Variants in TCERG1L observed in about 807,000 individuals in gnomAD.
The protein encoded by TCERG1L is transcription elongation regulator 1-like protein.
TCERG1L carries 37 observed loss-of-function variants against 56.3 expected under a neutral mutation model. The ratio of observed to expected loss-of-function variants is 0.66; its 90% CI spans 0.51 to 0.87. The LOEUF (loss-of-function observed/expected upper bound fraction) is 0.87, where lower values mean the gene tolerates loss of function less well. TCERG1L is among the 40% of genes least tolerant of loss of function. TCERG1L has a pLI of 0.00. For missense variants in TCERG1L, 799 were observed against 774.2 expected, an observed-to-expected ratio of 1.03 and a Z score of -0.38; for synonymous variants, 324 against 326.3, an observed-to-expected ratio of 0.99 and a Z score of 0.08.
intron 4 of TCERG1L, among the ~76,000 whole-genome samples, chr10:131,256,992 G>GGAAGGAAAGAAAAGAAAGAAAGAAA (rs1846173015): frequency 7.4e-4 from 44 of 59,212 alleles, no homozygotes; most frequent in African/African-American, 2.4e-3. Context: ...AAGGAAGGAA[G>GGAAGGAAAGAAAAGAAAGAAAGAAA]GAAAGAAAGA....
At chr10:131,113,830 G>A (rs578248036) in intron 9 of TCERG1L, among the ~76,000 whole-genome samples, 1 of 142,198 alleles carries the variant, frequency 7.0e-6, no homozygotes, top group African/African-American at 2.5e-5. Context: ...ACCTGCTTGT[G>A]AGAGATACTT....
intron 3 of TCERG1L, among the ~76,000 whole-genome samples, chr10:131,271,565 A>G (rs2944510): frequency 0.84 from 128,060 of 152,272 alleles, 54,768 homozygotes; most frequent in East Asian, 0.92. Flanking sequence ...GGGCTCTGGG[A>G]CCTGAGGCTT....
At chr10:131,206,183 C>T (rs576124736) in intron 4 of TCERG1L, among the ~76,000 whole-genome samples, 18 of 152,352 alleles carry the variant, frequency 1.2e-4, no homozygotes, top group African/African-American at 4.3e-4. Context: ...AACTGCCAAT[C>T]GGGTGTACGC....
Position 131,221,835 on chromosome 10 carries a change from G to A in TCERG1L, c.856+38424C>T, listed in dbSNP as rs189356631. 2.2e-3 allele frequency among the ~76,000 whole-genome samples: 341 copies of A among 152,284 alleles called. 2 individuals are homozygous for A. The highest frequency in any genetic ancestry group is 7.9e-3 in the African/African-American group (328 of 41,550). On this transcript the variant is annotated intron_variant, in intron 4 of 11. Coordinates refer to ENST00000368642, the MANE Select transcript of TCERG1L (RefSeq NM_174937.4). ...GCGTCTTTCTGCAGACCACTGTCCC[G>A]CCGCTGCCTCCACGTTGGGAGTACC...
intron 4 of TCERG1L, among the ~76,000 whole-genome samples, chr10:131,204,867 T>G (rs115228342): frequency 1.3e-3 from 198 of 152,308 alleles, no homozygotes; most frequent in African/African-American, 4.5e-3. Context: ...GGATCCTTGA[T>G]GGAGGTTCAC....
intron 3 of TCERG1L, among the ~76,000 whole-genome samples, chr10:131,289,533 C>CAAT (rs1380675759): frequency 2.5e-4 from 13 of 52,020 alleles, no homozygotes; most frequent in Non-Finnish European, 3.6e-4. Flanking sequence ...CATCTCCTAT[C>CAAT]GGTGTGTATG....
At chr10:131,264,891 G>A (rs1170107023) in intron 3 of TCERG1L, among the ~76,000 whole-genome samples, 1 of 152,170 alleles carries the variant, frequency 6.6e-6, no homozygotes, top group Admixed American at 6.5e-5. Context: ...CCCTGACAGC[G>A]TGAGGGTCCC....
chr10:131,301,006 T>C (rs749852538), intron 3 of TCERG1L, among the ~76,000 whole-genome samples: 24 of 152,070 alleles, frequency 1.6e-4, no homozygotes, highest in Admixed American at 3.3e-4. Flanking sequence ...TTCTGGCATG[T>C]ATGAAAATCT....
At chr10:131,107,069 T>C (rs1432417886) in intron 9 of TCERG1L, among the ~76,000 whole-genome samples, 1 of 141,166 alleles carries the variant, frequency 7.1e-6, no homozygotes, top group Non-Finnish European at 1.5e-5. Flanking sequence ...TTGCTGGGAC[T>C]CAGGGCGAGG....
rs866440939 is a variant in TCERG1L, at chr10:131,118,888, T to A, written c.1260-1954A>T. Among the ~76,000 whole-genome samples the A allele has an allele frequency of 1.3e-5, 2 of 152,156 alleles. No homozygotes were observed. Among genetic ancestry groups the A allele is most frequent in the African/African-American group, 4.8e-5 (2 of 41,422 alleles). On this transcript the variant is annotated intron_variant, in intron 8 of 11. Coordinates refer to ENST00000368642, the MANE Select transcript of TCERG1L (RefSeq NM_174937.4). The surrounding 1 kb of genome is among the most constrained non-coding windows in gnomAD (Gnocchi z 4.2). ...GACATTTGGTAAGGTCTGGAAACAT[T>A]TGTGGCTGCCACAACTGGGGAGATG...
chr10:131,163,688 C>T (rs1554889216), intron 5 of TCERG1L, among the ~76,000 whole-genome samples: 3 of 152,142 alleles, frequency 2.0e-5, no homozygotes, highest in Admixed American at 1.3e-4. Context: ...TCCTCAATAA[C>T]GACTCTGCCA....
intron 4 of TCERG1L, among the ~76,000 whole-genome samples, chr10:131,236,660 C>A (rs1845916231): frequency 1.3e-5 from 2 of 152,224 alleles, no homozygotes; most frequent in Non-Finnish European, 2.9e-5. Flanking sequence ...ATTATCAGCT[C>A]TCTCCCTCCT....
At chr10:131,200,746 A>C (rs761021751) in intron 4 of TCERG1L, among the ~76,000 whole-genome samples, 4 of 152,238 alleles carry the variant, frequency 2.6e-5, no homozygotes, top group Non-Finnish European at 5.9e-5. Flanking sequence ...GCGTGTGGGA[A>C]GGACTCAAGT....
At chr10:131,299,528 A>G (rs1474103699) in intron 3 of TCERG1L, among the ~76,000 whole-genome samples, 1 of 152,042 alleles carries the variant, frequency 6.6e-6, no homozygotes, top group Non-Finnish European at 1.5e-5. Flanking sequence ...TTTCGAAGAT[A>G]AAGTATATCT....
At chr10:131,252,999 C>T (rs543814313) in intron 4 of TCERG1L, among the ~76,000 whole-genome samples, 3 of 152,328 alleles carry the variant, frequency 2.0e-5, no homozygotes, top group East Asian at 1.9e-4. Context: ...GATGGCAGCA[C>T]GTACCGCCAT....
At chr10:131,259,676 C>T (rs1376430591) in intron 4 of TCERG1L, among the ~76,000 whole-genome samples, 2 of 152,230 alleles carry the variant, frequency 1.3e-5, no homozygotes, top group Non-Finnish European at 2.9e-5. Context: ...GGCCCCTGCC[C>T]CGAGGACATC....
chr10:131,248,224 AACTCACACACACACG>A (rs1846062495), intron 4 of TCERG1L, among the ~76,000 whole-genome samples: 1 of 145,094 alleles, frequency 6.9e-6, no homozygotes, highest in Admixed American at 6.8e-5. Flanking sequence ...TCTCACACAC[AACTCACACACACACG>A]ACTCACACAC....
At position 131,157,323 on chromosome 10, in the gene TCERG1L, C is replaced by A. The variant is rs1284731968; in HGVS notation, c.1034+5799G>T. 2.0e-5 allele frequency among the ~76,000 whole-genome samples: 3 copies of A among 152,182 alleles called. No homozygotes were observed. In the East Asian group the frequency reaches 5.8e-4, roughly 29 times the overall value. On this transcript the variant is annotated intron_variant, in intron 6 of 11. Transcript: ENST00000368642. ...TTGTTTAGAAAATAATATGTTAAAACCAATATTTAATATATATTTTTTAAT... is the reference window on the plus strand; with the variant it reads ...TTGTTTAGAAAATAATATGTTAAAAACAATATTTAATATATATTTTTTAAT...
At chr10:131,282,070 A>T (rs1846462869) in intron 3 of TCERG1L, among the ~76,000 whole-genome samples, 2 of 141,848 alleles carry the variant, frequency 1.4e-5, no homozygotes, top group South Asian at 4.8e-4. Context: ...CGGGAAGCGG[A>T]GCTTGCAGTG....
Sources: gnomAD v4.1 joint callset for allele counts (sites outside exome capture counted in the v4.1 genomes callset) on GRCh38, gnomAD v4.1.1 for gene constraint, Gnocchi (gnomAD v3.1) non-coding constraint, MANE v1.5 for transcripts, NCBI Gene and HGNC (gene_info 2026-07-23, HGNC 2026-07-21) for gene names.